FGGY: variants seen among roughly 807,000 people sequenced by gnomAD.
FGGY encodes the protein FGGY carbohydrate kinase domain containing.
FGGY carries 72 observed loss-of-function variants against 71.3 expected under a neutral mutation model. That is an observed-to-expected ratio of 1.01 (90% CI 0.84 to 1.23). FGGY has a LOEUF of 1.23. Among genes scored for constraint, FGGY ranks in the 50% most tolerant of loss-of-function variants. The pLI is 0.00. For synonymous variants in FGGY, 251 were observed against 250.3 expected (o/e 1.00, Z -0.02); for missense variants, 668 against 682.3 (o/e 0.98, Z 0.23).
chr1:59,743,025 C>A (rs2098163651), intron 14 of FGGY, among the ~76,000 whole-genome samples: 2 of 152,184 alleles, frequency 1.3e-5, no homozygotes, highest in South Asian at 2.1e-4. Context: ...GTGGCTTCTC[C>A]TTGACTTTGG....
intron 10 of FGGY, among the ~76,000 whole-genome samples, chr1:59,635,999 G>A (rs554326106): frequency 1.3e-5 from 2 of 152,264 alleles, no homozygotes; most frequent in African/African-American, 4.8e-5. Flanking sequence ...GGGCAGTGTT[G>A]GAAGGTCTGG....
chr1:59,615,871 A>G (rs1397695546), intron 9 of FGGY, among the ~76,000 whole-genome samples: 4 of 152,222 alleles, frequency 2.6e-5, no homozygotes, highest in Non-Finnish European at 4.4e-5. Context: ...GAAGACATTT[A>G]TGTAGCCAAA....
chr1:59,670,428 C>G (rs377054980), intron 13 of FGGY, among the ~76,000 whole-genome samples: 46 of 152,310 alleles, frequency 3.0e-4, no homozygotes, highest in South Asian at 1.7e-3. Flanking sequence ...AAAACACATT[C>G]GAATTTGGGA....
At chr1:59,731,920 A>G (rs527624505) in intron 14 of FGGY, among the ~76,000 whole-genome samples, 3 of 152,188 alleles carry the variant, frequency 2.0e-5, no homozygotes, top group East Asian at 3.9e-4. Context: ...CTCTTGCTAG[A>G]TACAGTTAAG....
At chr1:59,381,661 GTGTGTGTGTA>G (rs1284608153) in intron 5 of FGGY, among the ~76,000 whole-genome samples, 18 of 130,632 alleles carry the variant, frequency 1.4e-4, no homozygotes, top group Middle Eastern at 7.6e-3. Flanking sequence ...GTGTGTGTGT[GTGTGTGTGTA>G]TATTTTGGCC....
chr1:59,500,136 G>A (rs1213272604), intron 6 of FGGY, among the ~76,000 whole-genome samples: 2 of 152,108 alleles, frequency 1.3e-5, no homozygotes, highest in Non-Finnish European at 2.9e-5. Context: ...TGATAACCAC[G>A]TGAATTCTTT....
intron 6 of FGGY, among the ~76,000 whole-genome samples, chr1:59,468,801 G>A (rs1225545098): frequency 6.6e-6 from 1 of 151,624 alleles, no homozygotes; most frequent in African/African-American, 2.4e-5. Context: ...GAACATGGGA[G>A]GCGGAGCTTG....
chr1:59,415,888 A>G (rs2064323733), intron 5 of FGGY, among the ~76,000 whole-genome samples: 4 of 152,204 alleles, frequency 2.6e-5, no homozygotes, highest in African/African-American at 9.6e-5. Flanking sequence ...TCTGTTTTCA[A>G]AGCCCTGGGA....
intron 14 of FGGY, among the ~76,000 whole-genome samples, chr1:59,750,632 T>G (rs1161322809): frequency 2.6e-5 from 4 of 152,192 alleles, no homozygotes; most frequent in Admixed American, 1.3e-4. Flanking sequence ...ATTGATATTT[T>G]TGTCTCCAAT....
At chr1:59,335,783 T>C (rs78862332) in intron 2 of FGGY, among the ~76,000 whole-genome samples, 3,368 of 152,320 alleles carry the variant, frequency 0.022, 142 homozygotes, top group African/African-American at 0.077. Context: ...CACTTTTTCA[T>C]GTGTACATTG....
At chr1:59,481,459 TG>T (rs919951830) in intron 6 of FGGY, among the ~76,000 whole-genome samples, 80 of 152,264 alleles carry the variant, frequency 5.3e-4, no homozygotes, top group African/African-American at 1.9e-3. Context: ...TCTTCCTGAA[TG>T]CATGTCCCTA....
intron 6 of FGGY, among the ~76,000 whole-genome samples, chr1:59,465,417 A>G (rs1345554473): frequency 6.6e-6 from 1 of 152,182 alleles, no homozygotes; most frequent in Admixed American, 6.5e-5. Flanking sequence ...ATGGGCAAAA[A>G]CTGGAAGCAT....
chr1:59,326,672 A>G (rs1334174810), intron 2 of FGGY, among the ~76,000 whole-genome samples: 1 of 151,930 alleles, frequency 6.6e-6, no homozygotes, highest in African/African-American at 2.4e-5. Context: ...CAAGAACCTA[A>G]CTGATGTCTT....
At chr1:59,389,255 T>G (rs909405953) in intron 5 of FGGY, among the ~76,000 whole-genome samples, 1 of 152,238 alleles carries the variant, frequency 6.6e-6, no homozygotes, top group Non-Finnish European at 1.5e-5. Flanking sequence ...TCTTAAACTC[T>G]AATCTACTTT....
chr1:59,722,403 A>G (rs1185280702), intron 14 of FGGY, among the ~76,000 whole-genome samples: 1 of 150,524 alleles, frequency 6.6e-6, no homozygotes, highest in Non-Finnish European at 1.5e-5. Context: ...ACACATCTCA[A>G]ACTTAAGGAG....
At chr1:59,373,669 A>G (rs923858272) in intron 4 of FGGY, among the ~76,000 whole-genome samples, 5 of 152,200 alleles carry the variant, frequency 3.3e-5, no homozygotes, top group African/African-American at 1.2e-4. Context: ...CTACAAGTCT[A>G]CAGTAACCAA....
chr1:59,581,462 C>CTGTT, intron 8 of FGGY, among the ~76,000 whole-genome samples: 1 of 150,088 alleles, frequency 6.7e-6, no homozygotes, highest in African/African-American at 2.5e-5. Context: ...AACATTGCTT[C>CTGTT]TGTTGTTGCA....
intron 7 of FGGY, among the ~76,000 whole-genome samples, chr1:59,536,358 G>T (rs1345078121): frequency 1.3e-5 from 2 of 152,154 alleles, no homozygotes; most frequent in Non-Finnish European, 2.9e-5. Context: ...ACCAAAAAAA[G>T]TCCAGGACCA....
chr1:59,322,108 G>T (rs1210628848), intron 2 of FGGY, among the ~76,000 whole-genome samples: 1 of 152,052 alleles, frequency 6.6e-6, no homozygotes, highest in Non-Finnish European at 1.5e-5. Flanking sequence ...GTGTTAACTT[G>T]CACTGTGTAG....
Sources: allele counts gnomAD v4.1 joint callset (sites outside exome capture counted in the v4.1 genomes callset), GRCh38; gene constraint gnomAD v4.1.1; transcripts MANE v1.5; gene names NCBI Gene and HGNC (gene_info 2026-07-23, HGNC 2026-07-21).